The following PIEZO2 variants were observed in gnomAD, a reference collection of about 807,000 sequenced individuals.
The protein encoded by PIEZO2 is piezo-type mechanosensitive ion channel component 2.
In PIEZO2, 172 loss-of-function variants were observed where a neutral mutation model predicts 337.3. That is an observed-to-expected ratio of 0.51 (90% CI 0.45 to 0.58). The LOEUF (loss-of-function observed/expected upper bound fraction) is 0.58. Ranked by LOEUF, PIEZO2 falls within the 20% of genes least tolerant of loss-of-function variation. PIEZO2 has a pLI of 0.00. For synonymous variants in PIEZO2, 1,251 were observed against 1,228.5 expected, an observed-to-expected ratio of 1.02 and a Z score of -0.38; for missense variants, 3,028 against 3,391.3, an observed-to-expected ratio of 0.89 and a Z score of 2.66.
At position 10,761,004 on chromosome 18, in the gene PIEZO2, G is replaced by A; in HGVS notation, c.3357C>T (p.Ile1119=). The change falls in exon 24 of 56, where the codon ATC becomes ATT. Residue 1119 remains isoleucine, a synonymous_variant. Coordinates refer to ENST00000674853, the MANE Select transcript of PIEZO2 (RefSeq NM_001378183.1). ...GATGTAGTCTTGTAATGTCATGAAAGATAGTTCTAGACACAGGGGCCGTCA... is the reference window on the plus strand; with the variant it reads ...GATGTAGTCTTGTAATGTCATGAAAAATAGTTCTAGACACAGGGGCCGTCA... ...NNLTAPVSRT[I]FHDITRLHLD... 1 of 1,533,998 alleles carries A rather than the reference G, an allele frequency of 6.5e-7. No homozygotes were observed. The highest frequency in any genetic ancestry group is 8.7e-7 in the Non-Finnish European group (1 of 1,143,938).
At chr18:11,084,287 G>A (rs1256817813) in intron 1 of PIEZO2, among the ~76,000 whole-genome samples, 2 of 151,116 alleles carry the variant, frequency 1.3e-5, no homozygotes, top group Non-Finnish European at 2.9e-5. Context: ...ATCATCCTTT[G>A]TTGAATCAAT....
At chr18:10,739,484 G>A (rs899215590) in intron 33 of PIEZO2, 11 of 152,170 alleles carry the variant, frequency 7.2e-5, no homozygotes, top group Non-Finnish European at 1.0e-4. Context: ...CACAATGACC[G>A]CGGTGGGAAT....
chr18:10,859,112 C>T lies in PIEZO2; in HGVS notation c.493-1901G>A, dbSNP rs8087227. On this transcript the variant is annotated intron_variant, in intron 5 of 55. Coordinates refer to ENST00000674853, the MANE Select transcript of PIEZO2 (RefSeq NM_001378183.1). The surrounding 1 kb of genome is among the most constrained non-coding windows in gnomAD (Gnocchi z 4.9). ...TAGTGATAAACTGGGTGGCTGTTTC[C>T]GATTCAGAGGTCAAGGAAAGCCTCT... 4.4e-3 allele frequency among the ~76,000 whole-genome samples: 664 copies of T among 152,220 alleles called. 4 individuals are homozygous for T. The highest frequency in any genetic ancestry group is 0.015 in the African/African-American group (635 of 41,514).
chr18:10,814,764 A>G (rs993031007), intron 7 of PIEZO2, among the ~76,000 whole-genome samples: 6 of 152,162 alleles, frequency 3.9e-5, no homozygotes, highest in Admixed American at 1.3e-4. Context: ...CAGAAAGTTC[A>G]TGAAACACCA....
intron 1 of PIEZO2, among the ~76,000 whole-genome samples, chr18:11,144,094 A>C (rs1334232436): frequency 2.6e-5 from 4 of 152,240 alleles, no homozygotes; most frequent in Non-Finnish European, 5.9e-5. Context: ...TCAAAGGTGA[A>C]GTCCAAAGCC....
At chr18:10,887,694 G>GT (rs1363130018) in intron 4 of PIEZO2, among the ~76,000 whole-genome samples, 1 of 152,198 alleles carries the variant, frequency 6.6e-6, no homozygotes, top group Non-Finnish European at 1.5e-5. Context: ...GTTGCATTCA[G>GT]TTTTTTGTGT....
Position 10,791,209 on chromosome 18 carries a change from T to G in PIEZO2, c.1874A>C (p.Glu625Ala). The G allele has an allele frequency of 6.5e-7, 1 of 1,535,184 alleles. No homozygotes were observed. Among genetic ancestry groups the G allele is most frequent in the South Asian group, 1.2e-5 (1 of 83,718 alleles). ...SEVKIGSQEN[E>A]EKDEELQDIQ... ...CATATACACTAATTTACCTTTTTCT[T>G]CATTTTCCTGACTGCCAATTTTGAC... Residue 625 changes from glutamate to alanine, a missense_variant, in exon 14 of 56, where the codon GAA becomes GCA. This residue lies in a region of PIEZO2 where 1,925 missense variants were observed against 2,051.9 expected (regional missense o/e 0.94). Coordinates refer to ENST00000674853, the MANE Select transcript of PIEZO2 (RefSeq NM_001378183.1).
rs2038060968 is a variant in PIEZO2, at chr18:10,760,023, C to T, written c.3451-114G>A. 3.4e-6 allele frequency: 3 copies of T among 873,916 alleles called. No homozygotes were observed. In the Admixed American group the frequency reaches 6.9e-5, roughly 20 times the overall value. 54.1% of individuals were successfully genotyped at this position (873,916 alleles called of 1,614,324 possible). Reference sequence around the variant, plus strand: ...GAGACCCATGTCCCTCAGGGCAAGTCTGTCTGCACAGATTCACAAATGCTT... The same window carrying T: ...GAGACCCATGTCCCTCAGGGCAAGTTTGTCTGCACAGATTCACAAATGCTT... On this transcript the variant is annotated intron_variant, in intron 24 of 55. Coordinates refer to ENST00000674853, the MANE Select transcript of PIEZO2 (RefSeq NM_001378183.1).
chr18:11,095,291 G>A (rs1352851934), intron 1 of PIEZO2, among the ~76,000 whole-genome samples: 2 of 152,132 alleles, frequency 1.3e-5, no homozygotes, highest in East Asian at 3.9e-4. Context: ...AATCCAGTGA[G>A]AAATAAATAA....
chr18:10,814,074 C>T lies in PIEZO2; in HGVS notation c.918-6800G>A, dbSNP rs370555400. Among the ~76,000 whole-genome samples, 987 of 151,702 alleles carry T rather than the reference C, an allele frequency of 6.5e-3. 6 individuals are homozygous for T. Among genetic ancestry groups the T allele is most frequent in the Non-Finnish European group, 8.2e-3 (558 of 67,898 alleles). ...GCTCCACCTCCCTGGTTCATGCCAT[C>T]CTCCTGCCTCAGCCTCCCAAGTAGC... On this transcript the variant is annotated intron_variant, in intron 7 of 55. Coordinates refer to ENST00000674853, the MANE Select transcript of PIEZO2 (RefSeq NM_001378183.1).
chr18:11,108,397 C>T lies in PIEZO2; in HGVS notation c.64+40128G>A, dbSNP rs369423412. On this transcript the variant is annotated intron_variant, in intron 1 of 55. Coordinates refer to ENST00000674853, the MANE Select transcript of PIEZO2 (RefSeq NM_001378183.1). Reference sequence around the variant, plus strand: ...TTGGGAGGCCGAGGCGGGCAGATCACGAGGTCAGGAGATCGAGACCATCCT... The same window carrying T: ...TTGGGAGGCCGAGGCGGGCAGATCATGAGGTCAGGAGATCGAGACCATCCT... 2.9e-3 allele frequency among the ~76,000 whole-genome samples: 445 copies of T among 152,006 alleles called. 1 individual carries two copies. The highest frequency in any genetic ancestry group is 9.4e-3 in the African/African-American group (388 of 41,486).
rs2036809261 is a variant in PIEZO2, at chr18:11,033,383, C to G, written c.160+32744G>C. ...ACTGGTGCAGGTTTCTCCTGCCCACCTAAGGCAGACACGCCCCTGGATTTG... is the reference window on the plus strand; with the variant it reads ...ACTGGTGCAGGTTTCTCCTGCCCACGTAAGGCAGACACGCCCCTGGATTTG... On this transcript the variant is annotated intron_variant, in intron 2 of 55. Coordinates refer to ENST00000674853, the MANE Select transcript of PIEZO2 (RefSeq NM_001378183.1). The surrounding 1 kb of genome is among the most constrained non-coding windows in gnomAD (Gnocchi z 4.2). Among the ~76,000 whole-genome samples the G allele has an allele frequency of 6.6e-6, 1 of 152,210 alleles. No individual in the cohort carries two copies. The highest frequency in any genetic ancestry group is 2.4e-5 in the African/African-American group (1 of 41,462).
intron 27 of PIEZO2, among the ~76,000 whole-genome samples, chr18:10,755,615 C>T (rs889637724): frequency 6.6e-6 from 1 of 152,162 alleles, no homozygotes; most frequent in Non-Finnish European, 1.5e-5. Flanking sequence ...AGAGGTCGAG[C>T]ACGGTTTAAG....
intron 2 of PIEZO2, among the ~76,000 whole-genome samples, chr18:10,996,365 A>T (rs1036404853): frequency 2.6e-5 from 4 of 152,266 alleles, no homozygotes; most frequent in African/African-American, 9.6e-5. Context: ...TGAAATTCAC[A>T]TAATAAAAAA....
intron 36 of PIEZO2, among the ~76,000 whole-genome samples, chr18:10,723,386 T>C (rs1567986952): frequency 6.6e-6 from 1 of 151,726 alleles, no homozygotes; most frequent in Non-Finnish European, 1.5e-5. Flanking sequence ...CTAATTGGAG[T>C]GGATTTAAGA....
Position 10,701,603 on chromosome 18 carries a change from C to A in PIEZO2, c.6441+386G>T, listed in dbSNP as rs187824931. On this transcript the variant is annotated intron_variant, in intron 43 of 55. Coordinates refer to ENST00000674853, the MANE Select transcript of PIEZO2 (RefSeq NM_001378183.1). ...ACAATATGATCCACACACATTGTGG[C>A]TGTCTGATGCTCTGGCTTAAATCAG... Among the ~76,000 whole-genome samples, 7 of 152,382 alleles carry A rather than the reference C, an allele frequency of 4.6e-5. No homozygotes were observed. The East Asian group carries it at 1.3e-3, about 29-fold the overall frequency.
At position 10,759,593 on chromosome 18, in the gene PIEZO2, G is replaced by A. The variant is rs1455182145; in HGVS notation, c.3656-10C>T. 3 of 1,536,716 alleles carry A rather than the reference G, an allele frequency of 2.0e-6. No homozygotes were observed. The highest frequency in any genetic ancestry group is 3.9e-5 in the Admixed American group (2 of 50,974). The stretch of plus-strand genomic sequence containing the variant: ...AATCTCCACGGGTAATCTGCAGGGA[G>A]GGAAGTGGCGAACAGCACAATCAAT... On this transcript the variant is annotated splice_polypyrimidine_tract_variant and intron_variant, in intron 25 of 55. Transcript: ENST00000674853. This position sits in a 1 kb window ranked among gnomAD's most constrained non-coding sequence, Gnocchi z 5.5.
Position 11,109,083 on chromosome 18 carries a change from G to T in PIEZO2, c.64+39442C>A, listed in dbSNP as rs2039657003. The stretch of plus-strand genomic sequence containing the variant: ...GGCCCCTCTGTTTCCAGCATCCTGG[G>T]CAAAGGGTGACATCATGTCAGAGAA... On this transcript the variant is annotated intron_variant, in intron 1 of 55. Transcript: ENST00000674853. This position sits in a 1 kb window ranked among gnomAD's most constrained non-coding sequence, Gnocchi z 5.1. Among the ~76,000 whole-genome samples the T allele has an allele frequency of 6.6e-6, 1 of 152,120 alleles. No individual in the cohort carries two copies. Among genetic ancestry groups the T allele is most frequent in the African/African-American group, 2.4e-5 (1 of 41,422 alleles).
intron 45 of PIEZO2, 69 bp downstream of exon 45, chr18:10,697,679 T>C: frequency 1.3e-6 from 2 of 1,562,564 alleles, no homozygotes; most frequent in Non-Finnish European, 1.7e-6. Context: ...CTGCTCCTGG[T>C]TTATAGGAAA....
Sources: gnomAD v4.1 joint callset for allele counts (sites outside exome capture counted in the v4.1 genomes callset) on GRCh38, gnomAD v4.1.1 for gene constraint, gnomAD v4.1.1 regional missense constraint, Gnocchi (gnomAD v3.1) non-coding constraint, MANE v1.5 for transcripts, NCBI Gene and HGNC (gene_info 2026-07-23, HGNC 2026-07-21) for gene names.